The following HMCN2 variants were observed in gnomAD, a reference collection of about 807,000 sequenced individuals.
The protein encoded by HMCN2 is hemicentin 2, also known as hemicentin-2.
A neutral mutation model predicts 377.5 loss-of-function variants in HMCN2; 325 were observed. The observed-to-expected ratio is 0.86, with a 90% CI of 0.79 to 0.94. HMCN2 has a LOEUF of 0.94. Among genes scored for constraint, HMCN2 ranks in the 40% least tolerant of loss-of-function variants. HMCN2 has a pLI of 0.00. For missense variants in HMCN2, 4,543 were observed against 4,725.3 expected (o/e 0.96, Z 1.13); for synonymous variants, 2,007 against 2,046.8 (o/e 0.98, Z 0.53).
chr9:130,342,110 T>A (rs1839090883), intron 24 of HMCN2, among the ~76,000 whole-genome samples: 1 of 152,150 alleles, frequency 6.6e-6, no homozygotes, highest in Non-Finnish European at 1.5e-5. Flanking sequence ...GCCCCTTGTG[T>A]CTGAGGGTAC....
chr9:130,346,009 G>T (rs1839371835), intron 25 of HMCN2, among the ~76,000 whole-genome samples: 1 of 152,030 alleles, frequency 6.6e-6, no homozygotes, highest in Non-Finnish European at 1.5e-5. Flanking sequence ...GTCTACCCCT[G>T]GGCCCCCGCT....
intron 93 of HMCN2, 159 bp from the exon 94 acceptor site, chr9:130,429,398 C>A: frequency 1.2e-6 from 1 of 830,866 alleles, no homozygotes; most frequent in Non-Finnish European, 1.9e-6. Flanking sequence ...CCTGGTATAA[C>A]TGGGGGAGGT....
chr9:130,433,977 T>C lies in HMCN2; in HGVS notation c.*284T>C, dbSNP rs1023736218. The C allele has an allele frequency of 2.8e-6, 1 of 355,440 alleles. No homozygotes were observed. Among genetic ancestry groups the C allele is most frequent in the Non-Finnish European group, 5.0e-6 (1 of 198,974 alleles). The allele number at this position is 355,440 out of a possible 1,614,324, so 22.0% of individuals were successfully genotyped here. A position where few individuals can be genotyped will look rare whatever the true frequency, so the allele number is the denominator to read the frequency against. ...CCTCCAGGTCTGATCCGCCCCTCAG[T>C]GGGAGCGGGACAGGGACACAGGGCA... On this transcript the variant is annotated 3_prime_UTR_variant, in exon 98 of 98. Transcript: ENST00000683500.
At chr9:130,384,317 C>T (rs1841897350) in intron 57 of HMCN2, 56 bp from the exon 58 acceptor site, 3 of 1,239,622 alleles carry the variant, frequency 2.4e-6, no homozygotes, top group Non-Finnish European at 3.2e-6. Context: ...GGGCTCTGTG[C>T]TCCCCTGCTG....
intron 57 of HMCN2, among the ~76,000 whole-genome samples, chr9:130,383,871 A>G (rs753664649): frequency 1.3e-5 from 2 of 152,176 alleles, no homozygotes; most frequent in Non-Finnish European, 2.9e-5. Context: ...GAGGCTGAGC[A>G]CTTTCCCTGG....
rs1844141570 is a variant in HMCN2 at position 130,423,601 on chromosome 9, G to A, written c.13381+875G>A. Reference sequence around the variant, plus strand: ...CGCACAGAGAGGCTGGGAAGGTGGTGCCCATGCACAGGGGCCTGGCCAGCT... The same window carrying A: ...CGCACAGAGAGGCTGGGAAGGTGGTACCCATGCACAGGGGCCTGGCCAGCT... On this transcript the variant is annotated intron_variant, in intron 87 of 97. Coordinates refer to ENST00000683500, the MANE Select transcript of HMCN2 (RefSeq NM_001291815.2). This position sits in a 1 kb window ranked among gnomAD's most constrained non-coding sequence, Gnocchi z 5.5. 6.6e-6 allele frequency among the ~76,000 whole-genome samples: 1 copy of A among 152,204 alleles called. No homozygotes were observed. Among genetic ancestry groups the A allele is most frequent in the Non-Finnish European group, 1.5e-5 (1 of 68,044 alleles).
At position 130,308,698 on chromosome 9, in the gene HMCN2, C is replaced by T. The variant is rs1360451317; in HGVS notation, c.2200+1132C>T. Among the ~76,000 whole-genome samples, 5 of 152,298 alleles carry T rather than the reference C, an allele frequency of 3.3e-5. No homozygotes were observed. The highest frequency in any genetic ancestry group is 1.2e-4 in the African/African-American group (5 of 41,556). On this transcript the variant is annotated intron_variant, in intron 14 of 97. Transcript: ENST00000683500. The surrounding 1 kb of genome is among the most constrained non-coding windows in gnomAD (Gnocchi z 4.1). ...CACTGCATATTCTGGCCAAGAACCC[C>T]GTCAACCCAGCCCTAGAGCCCCACT...
rs371602687 is a variant in HMCN2, at chr9:130,428,285, C to T, written c.14066-73C>T. 50 of 1,453,884 alleles carry T rather than the reference C, an allele frequency of 3.4e-5. No homozygotes were observed. In the Admixed American group the frequency reaches 6.9e-4, roughly 20 times the overall value. 90.1% of individuals were successfully genotyped at this position (1,453,884 alleles called of 1,614,324 possible). A position where few individuals can be genotyped will look rare whatever the true frequency, so the allele number is the denominator to read the frequency against. ...GCGGACGAAGCCTCTGTGGATAGGCCGGGCCAGGGTCAGGTGGCGAGGCAC... is the reference window on the plus strand; with the variant it reads ...GCGGACGAAGCCTCTGTGGATAGGCTGGGCCAGGGTCAGGTGGCGAGGCAC... On this transcript the variant is annotated intron_variant, in intron 92 of 97. Coordinates refer to ENST00000683500, the MANE Select transcript of HMCN2 (RefSeq NM_001291815.2). This position sits in a 1 kb window ranked among gnomAD's most constrained non-coding sequence, Gnocchi z 5.0.
chr9:130,322,910 A>T (rs1837930390), intron 19 of HMCN2, among the ~76,000 whole-genome samples: 1 of 152,174 alleles, frequency 6.6e-6, no homozygotes, highest in Non-Finnish European at 1.5e-5. Flanking sequence ...TGTTTGTTTC[A>T]TAAAGCCCCC....
In HMCN2 at chr9:130,396,330, G is replaced by T. The variant is rs1318652119; in HGVS notation, c.11198+17G>T. The T allele has an allele frequency of 2.4e-6, 3 of 1,260,862 alleles. No homozygotes were observed. The South Asian group carries it at 3.8e-5, about 16-fold the overall frequency. The allele number at this position is 1,260,862 out of a possible 1,614,324, so 78.1% of individuals were successfully genotyped here. A position where few individuals can be genotyped will look rare whatever the true frequency, so the allele number is the denominator to read the frequency against. ...GAGCCCCAGGTGGGAGAGGGAAGGG[G>T]TGGGCCTCAGGGAGGCTCTCAGGTG... On this transcript the variant is annotated intron_variant, in intron 73 of 97. Transcript: ENST00000683500.
In HMCN2 at chr9:130,385,772, C is replaced by G. The variant is rs750171648; in HGVS notation, c.9309+10C>G. The G allele has an allele frequency of 4.6e-6, 6 of 1,301,980 alleles. No individual in the cohort carries two copies. The highest frequency in any genetic ancestry group is 1.5e-5 in the African/African-American group (1 of 65,918). 80.7% of individuals were successfully genotyped at this position (1,301,980 alleles called of 1,614,324 possible). Reference sequence around the variant, plus strand: ...GATCCAGGAAGCCCAGGTGAGCAACCCTGGGGGCACGGGCAGCCATGAGCG... The same window carrying G: ...GATCCAGGAAGCCCAGGTGAGCAACGCTGGGGGCACGGGCAGCCATGAGCG... On this transcript the variant is annotated intron_variant, in intron 60 of 97. Coordinates refer to ENST00000683500, the MANE Select transcript of HMCN2 (RefSeq NM_001291815.2).
intron 8 of HMCN2, among the ~76,000 whole-genome samples, chr9:130,299,744 CACCCACCCATTCACTCACCTATCCATCT>C (rs1296278371): frequency 5.2e-4 from 78 of 151,128 alleles, no homozygotes; most frequent in Non-Finnish European, 7.8e-4. Context: ...CCCACCCATC[CACCCACCCATTCACTCACCTATCCATCT>C]ACCCACCCAT....
chr9:130,411,620 A>G (rs1472071255), intron 85 of HMCN2, among the ~76,000 whole-genome samples: 6 of 141,670 alleles, frequency 4.2e-5, no homozygotes, highest in African/African-American at 1.5e-4. Flanking sequence ...AAAAAAAAAG[A>G]ACAAAAGGAA....
At chr9:130,420,500 C>A (rs1276931400) in intron 86 of HMCN2, among the ~76,000 whole-genome samples, 5 of 152,126 alleles carry the variant, frequency 3.3e-5, no homozygotes, top group African/African-American at 1.2e-4. Context: ...CAAAACAAAA[C>A]ACCACAAGCT....
At chr9:130,384,298 G>T (rs1295386706) in intron 57 of HMCN2, 75 bp from the exon 58 acceptor site, 175 of 1,190,542 alleles carry the variant, frequency 1.5e-4, no homozygotes, top group Non-Finnish European at 1.9e-4. Flanking sequence ...GAGGCTCAGG[G>T]TTTCTCTTGG....
intron 1 of HMCN2, among the ~76,000 whole-genome samples, chr9:130,281,604 A>C (rs1369805090): frequency 1.3e-5 from 2 of 151,584 alleles, no homozygotes; most frequent in African/African-American, 4.9e-5. Context: ...TCTCAAAAAA[A>C]AAAAGGACTG....
At chr9:130,416,868 C>T (rs1478906123) in intron 85 of HMCN2, among the ~76,000 whole-genome samples, 1 of 151,138 alleles carries the variant, frequency 6.6e-6, no homozygotes, top group East Asian at 1.9e-4. Flanking sequence ...TTAAAGTGAG[C>T]ACATTATCTC....
Position 130,429,933 on chromosome 9 carries a change from A to G in HMCN2, c.14326+248A>G, listed in dbSNP as rs73553739. 8.1e-4 allele frequency: 558 copies of G among 689,294 alleles called. 4 individuals carry two copies. In the African/African-American group the frequency reaches 9.2e-3, roughly 11 times the overall value. 42.7% of individuals were successfully genotyped at this position (689,294 alleles called of 1,614,324 possible). A position where few individuals can be genotyped will look rare whatever the true frequency, so the allele number is the denominator to read the frequency against. ...AACCTCAGCCTGACCCTGTGGGGTC[A>G]TCTTCCGGGGAATTTCAGGAGGGGG... On this transcript the variant is annotated intron_variant, in intron 94 of 97. Transcript: ENST00000683500.
At chr9:130,375,758 G>A (rs143333379) in intron 50 of HMCN2, 22 bp downstream of exon 50, 50 of 985,606 alleles carry the variant, frequency 5.1e-5, no homozygotes, top group Non-Finnish European at 5.5e-5. Flanking sequence ...TGGGGGGAAA[G>A]GAGGGAGGGA....
Sources: gnomAD v4.1 joint callset for allele counts (sites outside exome capture counted in the v4.1 genomes callset) on GRCh38, gnomAD v4.1.1 for gene constraint, Gnocchi (gnomAD v3.1) non-coding constraint, MANE v1.5 for transcripts, NCBI Gene and HGNC (gene_info 2026-07-23, HGNC 2026-07-21) for gene names.